RUSC2: variants seen among roughly 807,000 people sequenced by gnomAD.
RUSC2 encodes RUN and SH3 domain containing 2, also known as AP-4 complex accessory subunit RUSC2.
RUSC2 carries 34 observed loss-of-function variants against 122.2 expected under a neutral mutation model. That is an observed-to-expected ratio of 0.28 (90% CI 0.21 to 0.37). The LOEUF (loss-of-function observed/expected upper bound fraction) is 0.37, where lower values mean the gene tolerates loss of function less well. Among genes scored for constraint, RUSC2 ranks in the 10% least tolerant of loss-of-function variants. The probability of loss-of-function intolerance (pLI) is 1.00; values close to 1 mark genes in which losing one functional copy is unlikely to be tolerated. For synonymous variants in RUSC2, 784 were observed against 790.0 expected (o/e 0.99, Z 0.13); for missense variants, 1,747 against 1,952.4 (o/e 0.89, Z 1.98).
intron 1 of RUSC2, among the ~76,000 whole-genome samples, chr9:35,509,383 C>T (rs1820973708): frequency 1.3e-5 from 2 of 152,162 alleles, no homozygotes. Flanking sequence ...CATGAGTTTA[C>T]ATGGAAGACT....
chr9:35,524,233 G>A lies in RUSC2; in HGVS notation c.-92-22197G>A, dbSNP rs115770718. Among the ~76,000 whole-genome samples, 1,187 of 152,058 alleles carry A rather than the reference G, an allele frequency of 7.8e-3. 17 individuals carry two copies. The highest frequency in any genetic ancestry group is 0.026 in the African/African-American group (1,092 of 41,460). On this transcript the variant is annotated intron_variant, in intron 1 of 11. Coordinates refer to ENST00000361226, the MANE Select transcript of RUSC2 (RefSeq NM_014806.5). The stretch of plus-strand genomic sequence containing the variant: ...AGCACCTCAGGAGGCTGTGGGAGAC[G>A]GAGGTTGCAGTGAGCCAAGATAGGG...
intron 1 of RUSC2, among the ~76,000 whole-genome samples, chr9:35,505,954 C>T (rs983991656): frequency 2.6e-4 from 39 of 152,162 alleles, no homozygotes; most frequent in African/African-American, 8.9e-4. Flanking sequence ...TCATTCTCAA[C>T]ACTTCTATTC....
At chr9:35,524,970 CAA>C (rs931642143) in intron 1 of RUSC2, among the ~76,000 whole-genome samples, 5 of 107,922 alleles carry the variant, frequency 4.6e-5, no homozygotes, top group Non-Finnish European at 3.9e-5. Context: ...GACTCCATCT[CAA>C]AAAAAAAAAA....
At chr9:35,491,912 G>A (rs1417689883) in intron 1 of RUSC2, among the ~76,000 whole-genome samples, 2 of 152,312 alleles carry the variant, frequency 1.3e-5, no homozygotes, top group African/African-American at 4.8e-5. Context: ...GGCAGATGTT[G>A]CAGTGAGCTG....
Position 35,546,726 on chromosome 9 carries a change from A to T in RUSC2, c.205A>T (p.Ser69Cys). Residue 69 changes from serine (S) to cysteine (C), a missense_variant, in exon 2 of 12, where the codon AGC becomes TGC. By Grantham distance (112) the Ser-to-Cys change is moderately radical. Coordinates refer to ENST00000361226, the MANE Select transcript of RUSC2 (RefSeq NM_014806.5). This position sits in a 1 kb window ranked among gnomAD's most constrained non-coding sequence, Gnocchi z 4.3. The stretch of plus-strand genomic sequence containing the variant: ...ACAAGCTGACTCCCTGCTATTCAGC[A>T]GCCTGCACTCTACTCCAGGAGGAAC... The part of the protein sequence containing the change: ...LGQADSLLFS[S>C]LHSTPGGTAR... 5 of 1,570,398 alleles carry T rather than the reference A, an allele frequency of 3.2e-6. No homozygotes were observed. The highest frequency in any genetic ancestry group is 4.3e-6 in the Non-Finnish European group (5 of 1,159,064).
Position 35,548,399 on chromosome 9 carries a change from C to T in RUSC2, c.1878C>T (p.His626=). 1 of 1,614,082 alleles carries T rather than the reference C, an allele frequency of 6.2e-7. No homozygotes were observed. The highest frequency in any genetic ancestry group is 8.5e-7 in the Non-Finnish European group (1 of 1,180,032). ...CCACCCAGGTCTGTCAGGGACCCCACTCCAGTGAGATGCCTCCTGCTGGCC... is the reference window on the plus strand; with the variant it reads ...CCACCCAGGTCTGTCAGGGACCCCATTCCAGTGAGATGCCTCCTGCTGGCC... ...PWSTQVCQGP[H]SSEMPPAGLR... is the part of the protein sequence containing the mutation. Residue 626 remains histidine (H), a synonymous_variant, in exon 2 of 12, where the codon CAC becomes CAT. Transcript: ENST00000361226. This position sits in a 1 kb window ranked among gnomAD's most constrained non-coding sequence, Gnocchi z 4.5.
chr9:35,556,332 T>C lies in RUSC2; in HGVS notation c.2867T>C (p.Leu956Pro), dbSNP rs761099288. 6.2e-7 allele frequency: 1 copy of C among 1,614,234 alleles called. No individual in the cohort carries two copies. Among genetic ancestry groups the C allele is most frequent in the Non-Finnish European group, 8.5e-7 (1 of 1,180,044 alleles). ...GGCCAAGCAGTGAAGCCGTTACCAC[T>C]GACCTGCCCTGACTTCCAGGACCCC... Reference protein sequence around the residue: ...LNGQAVKPLPLTCPDFQDPFS... With the variant: ...LNGQAVKPLPPTCPDFQDPFS... The change falls in exon 5 of 12, where the codon CTG (leucine) becomes CCG (proline). Residue 956 changes from leucine to proline, a missense_variant. Physicochemically the swap from Leu to Pro is moderately conservative, Grantham distance 98 (BLOSUM62 -3). Transcript: ENST00000361226.
Position 35,560,216 on chromosome 9 carries a change from G to A in RUSC2, c.3576G>A (p.Leu1192=), listed in dbSNP as rs1431670918. The A allele has an allele frequency of 6.2e-7, 1 of 1,604,598 alleles. No homozygotes were observed. The highest frequency in any genetic ancestry group is 8.5e-7 in the Non-Finnish European group (1 of 1,179,238). ...GQQQRQHKEL[L]RVSQDLLLSA... is the part of the protein sequence containing the mutation. The stretch of plus-strand genomic sequence containing the variant: ...AGCAGCGGCAGCACAAGGAACTGCT[G>A]CGGGTGTCCCAGGACCTGCTGCTGT... The change falls in exon 10 of 12, where the codon CTG becomes CTA. Residue 1192 remains leucine, a synonymous_variant. Transcript: ENST00000361226.
At chr9:35,513,577 GA>G (rs79138342) in intron 1 of RUSC2, among the ~76,000 whole-genome samples, 2 of 149,012 alleles carry the variant, frequency 1.3e-5, no homozygotes, top group African/African-American at 4.9e-5. Flanking sequence ...TTATTTAAAA[GA>G]AAAAAAAACT....
At chr9:35,496,569 A>G (rs1191942670) in intron 1 of RUSC2, among the ~76,000 whole-genome samples, 1 of 152,170 alleles carries the variant, frequency 6.6e-6, no homozygotes, top group African/African-American at 2.4e-5. Flanking sequence ...TGATACGTCA[A>G]TTCCTGGTGT....
Position 35,558,104 on chromosome 9 carries a change from G to A in RUSC2, c.3061-93G>A, listed in dbSNP as rs1293630206. The A allele has an allele frequency of 1.3e-6, 2 of 1,585,838 alleles. No homozygotes were observed. Among genetic ancestry groups the A allele is most frequent in the East Asian group, 2.2e-5 (1 of 44,658 alleles). On this transcript the variant is annotated intron_variant, in intron 6 of 11. Coordinates refer to ENST00000361226, the MANE Select transcript of RUSC2 (RefSeq NM_014806.5). This position sits in a 1 kb window ranked among gnomAD's most constrained non-coding sequence, Gnocchi z 4.3. ...AGCCCAGGGTTGGGTACTTAGGAAT[G>A]GGGACGGCAAGAGGGGAACCATGAG...
At chr9:35,540,688 G>A (rs183008908) in intron 1 of RUSC2, among the ~76,000 whole-genome samples, 88 of 152,322 alleles carry the variant, frequency 5.8e-4, no homozygotes, top group Admixed American at 1.9e-3. Context: ...AGAGAGGCCG[G>A]TAGACATAAC....
At chr9:35,499,766 G>T (rs1465382030) in intron 1 of RUSC2, among the ~76,000 whole-genome samples, 1 of 152,084 alleles carries the variant, frequency 6.6e-6, no homozygotes, top group Non-Finnish European at 1.5e-5. Context: ...TAGGGAAAAT[G>T]GACATTTATT....
chr9:35,560,650 G>A lies in RUSC2; in HGVS notation c.4010G>A (p.Arg1337Gln), dbSNP rs761638781. ...ACPASEEALG[R>Q]ERGWPFWMGS... is the part of the protein sequence containing the mutation. Reference sequence around the variant, plus strand: ...CCTGCCTCTGAGGAGGCCCTGGGCCGGGAAAGGGGCTGGCCCTTCTGGATG... The same window carrying A: ...CCTGCCTCTGAGGAGGCCCTGGGCCAGGAAAGGGGCTGGCCCTTCTGGATG... The change falls in exon 10 of 12, where the codon CGG becomes CAG. Residue 1337 changes from arginine (R) to glutamine (Q), a missense_variant. Arg to Gln is a conservative substitution (Grantham distance 43). Transcript: ENST00000361226. The A allele has an allele frequency of 3.8e-5, 61 of 1,596,734 alleles. No individual in the cohort carries two copies. Among genetic ancestry groups the A allele is most frequent in the African/African-American group, 1.9e-4 (14 of 74,638 alleles).
At chr9:35,492,093 C>A (rs141146608) in intron 1 of RUSC2, among the ~76,000 whole-genome samples, 52 of 152,130 alleles carry the variant, frequency 3.4e-4, no homozygotes, top group Non-Finnish European at 6.3e-4. Flanking sequence ...TTTTTCCTGT[C>A]TAGGCTTCCT....
At chr9:35,505,153 A>C (rs968797031) in intron 1 of RUSC2, among the ~76,000 whole-genome samples, 1 of 152,200 alleles carries the variant, frequency 6.6e-6, no homozygotes, top group African/African-American at 2.4e-5. Flanking sequence ...TTTTGTTATA[A>C]CAAATATTTG....
chr9:35,559,500 C>A (rs1223043079), intron 9 of RUSC2, among the ~76,000 whole-genome samples: 3 of 152,072 alleles, frequency 2.0e-5, no homozygotes, highest in African/African-American at 7.2e-5. Flanking sequence ...TTTGGGAGGC[C>A]GAGGCACGTG....
chr9:35,493,272 A>C (rs900025915), intron 1 of RUSC2, among the ~76,000 whole-genome samples: 2 of 152,186 alleles, frequency 1.3e-5, no homozygotes, highest in Non-Finnish European at 2.9e-5. Context: ...GCTAAGGATA[A>C]TAGCCTCCAG....
chr9:35,537,861 A>C (rs1328545519), intron 1 of RUSC2, among the ~76,000 whole-genome samples: 1 of 152,242 alleles, frequency 6.6e-6, no homozygotes, highest in African/African-American at 2.4e-5. Flanking sequence ...GCGTAGCAGC[A>C]GGGAGCAGTG....
Sources: gnomAD v4.1 joint callset for allele counts (sites outside exome capture counted in the v4.1 genomes callset) on GRCh38, gnomAD v4.1.1 for gene constraint, Gnocchi (gnomAD v3.1) non-coding constraint, MANE v1.5 for transcripts, NCBI Gene and HGNC (gene_info 2026-07-23, HGNC 2026-07-21) for gene names.